The following RRP8 variants were observed in gnomAD, a reference collection of about 807,000 sequenced individuals.
RRP8 encodes the protein ribosomal RNA processing 8.
A neutral mutation model predicts 45.0 loss-of-function variants in RRP8; 48 were observed. The observed-to-expected ratio is 1.07, with a 90% CI of 0.85 to 1.36. The LOEUF is 1.36. RRP8 is among the 40% of genes most tolerant of loss of function. RRP8 has a pLI of 0.00. For synonymous variants in RRP8, 274 were observed against 212.4 expected (o/e 1.29, Z -2.52); for missense variants, 658 against 573.7 (o/e 1.15, Z -1.50).
intron 6 of RRP8, 55 bp from the exon 7 acceptor site, chr11:6,600,320 C>T (rs959635222): frequency 2.9e-6 from 4 of 1,366,302 alleles, no homozygotes; most frequent in Non-Finnish European, 4.1e-6. Context: ...CTCCTTAAAA[C>T]ACCTCCCTCT....
intron 1 of RRP8, among the ~76,000 whole-genome samples, chr11:6,602,924 G>T (rs1854467349): frequency 6.6e-6 from 1 of 152,218 alleles, no homozygotes. Context: ...TTTGAACAAT[G>T]ATACTGACAA....
chr11:6,600,198 T>C lies in RRP8; in HGVS notation c.1319A>G (p.Lys440Arg). Reference protein sequence around the residue: ...QKTGPPLVGPKAQLSGLQLQP... With the variant: ...QKTGPPLVGPRAQLSGLQLQP... ...AAGCTGCAGGCCTGAAAGCTGAGCCTTGGGCCCTACCAGAGGGGGCCCAGT... is the reference window on the plus strand; with the variant it reads ...AAGCTGCAGGCCTGAAAGCTGAGCCCTGGGCCCTACCAGAGGGGGCCCAGT... The change falls in exon 7 of 7, where the codon AAG (lysine) becomes AGG (arginine). Residue 440 changes from lysine to arginine, a missense_variant. Lys to Arg is a conservative substitution (Grantham distance 26, BLOSUM62 2). Coordinates refer to ENST00000254605, the MANE Select transcript of RRP8 (RefSeq NM_015324.4). 2.5e-6 allele frequency: 4 copies of C among 1,608,890 alleles called. No individual in the cohort carries two copies. The highest frequency in any genetic ancestry group is 1.3e-5 in the African/African-American group (1 of 74,588).
intron 5 of RRP8, 23 bp from the exon 6 acceptor site, chr11:6,600,605 TG>T (rs758582591): frequency 4.3e-6 from 7 of 1,613,268 alleles, no homozygotes; most frequent in Non-Finnish European, 5.9e-6. Context: ...GAAAGTTCTG[TG>T]TAAGTGCACA....
intron 4 of RRP8, 68 bp from the exon 5 acceptor site, chr11:6,600,843 G>A: frequency 1.2e-6 from 2 of 1,609,644 alleles, no homozygotes; most frequent in African/African-American, 2.7e-5. Flanking sequence ...TGAGATACCA[G>A]GATGGGAAAG....
rs769930522 is a variant in RRP8, at chr11:6,603,407, G to C, written c.96C>G (p.Asn32Lys). 6.2e-7 allele frequency: 1 copy of C among 1,600,236 alleles called. No individual in the cohort carries two copies. The highest frequency in any genetic ancestry group is 1.7e-5 in the Admixed American group (1 of 58,204). The stretch of plus-strand genomic sequence containing the variant: ...ATTGCTCCCGCGAGTCACTCACCTT[G>C]TTTTGCGAGGAGGCCGCAGGCGGAG... ...SRPPPAASSQ[N>K]KGSKRRQLLA... Residue 32 changes from asparagine to lysine, a missense_variant, in exon 1 of 7, where the codon AAC becomes AAG. Coordinates refer to ENST00000254605, the MANE Select transcript of RRP8 (RefSeq NM_015324.4).
chr11:6,600,100 G>C lies in RRP8; in HGVS notation c.*46C>G. 1 of 1,276,304 alleles carries C rather than the reference G, an allele frequency of 7.8e-7. No homozygotes were observed. The highest frequency in any genetic ancestry group is 1.1e-6 in the Non-Finnish European group (1 of 919,488). 79.1% of individuals were successfully genotyped at this position (1,276,304 alleles called of 1,614,324 possible). On this transcript the variant is annotated 3_prime_UTR_variant, in exon 7 of 7. Transcript: ENST00000254605. ...CTGGAAACAGTCTTCACAGTTCTGA[G>C]CCTGGAGTTTGAGATCTGCCTCCCC...
chr11:6,601,750 C>A (rs1854373171), intron 2 of RRP8, 102 bp downstream of exon 2: 1 of 1,475,902 alleles, frequency 6.8e-7, no homozygotes, highest in Non-Finnish European at 9.0e-7. Context: ...ACACCATTAG[C>A]CCCAATCCTA....
chr11:6,598,300 T>G lies in RRP8; in HGVS notation c.*1846A>C, dbSNP rs1854267158. On this transcript the variant is annotated 3_prime_UTR_variant, in exon 7 of 7. Coordinates refer to ENST00000254605, the MANE Select transcript of RRP8 (RefSeq NM_015324.4). ...TTCTTCCATCATGACTAGTCAACAGTGCCCTCATCTTGTGCCCTAGTACCT... is the reference window on the plus strand; with the variant it reads ...TTCTTCCATCATGACTAGTCAACAGGGCCCTCATCTTGTGCCCTAGTACCT... 1 of 152,276 alleles carries G rather than the reference T, an allele frequency of 6.6e-6. No individual in the cohort carries two copies. Among genetic ancestry groups the G allele is most frequent in the African/African-American group, 2.4e-5 (1 of 41,448 alleles). The allele number at this position is 152,276 out of a possible 1,614,324, so 9.4% of individuals were successfully genotyped here. A position where few individuals can be genotyped will look rare whatever the true frequency, so the allele number is the denominator to read the frequency against.
chr11:6,602,591 G>C (rs1411686341), intron 1 of RRP8, among the ~76,000 whole-genome samples: 1 of 152,188 alleles, frequency 6.6e-6, no homozygotes, highest in East Asian at 1.9e-4. Context: ...GGAGACACAT[G>C]ATCACACACG....
Position 6,602,821 on chromosome 11 carries a change from A to T in RRP8, c.99+583T>A, listed in dbSNP as rs200032544. On this transcript the variant is annotated intron_variant, in intron 1 of 6. Coordinates refer to ENST00000254605, the MANE Select transcript of RRP8 (RefSeq NM_015324.4). ...CATCTGCAGAGGCTCAAAGGAGAAG[A>T]TGTATTGTCGGGAAGGCTGATTCTG... Among the ~76,000 whole-genome samples, 20 of 152,138 alleles carry T rather than the reference A, an allele frequency of 1.3e-4. No homozygotes were observed. In the East Asian group the frequency reaches 3.7e-3, roughly 28 times the overall value.
intron 1 of RRP8, 61 bp from the exon 2 acceptor site, chr11:6,602,276 G>A (rs745455250): frequency 2.0e-6 from 3 of 1,488,714 alleles, no homozygotes; most frequent in African/African-American, 2.8e-5. Flanking sequence ...TGGAGAACAA[G>A]AAGGGAGAGA....
In RRP8 at chr11:6,601,559, C is replaced by T. The variant is rs1167191038; in HGVS notation, c.507G>A (p.Lys169=). The T allele has an allele frequency of 2.5e-6, 4 of 1,605,144 alleles. No individual in the cohort carries two copies. In the South Asian group the frequency reaches 4.4e-5, roughly 18 times the overall value. Residue 169 remains lysine (K), a synonymous_variant, in exon 3 of 7, where the codon AAG becomes AAA. Coordinates refer to ENST00000254605, the MANE Select transcript of RRP8 (RefSeq NM_015324.4). ...WKGSTTNDPP[K]QSPGSTSPKP... ...TAGGGGAAGTGGACCCAGGGCTTTGCTTTGGTGGATCATTTGTAGTACTAC... is the reference window on the plus strand; with the variant it reads ...TAGGGGAAGTGGACCCAGGGCTTTGTTTTGGTGGATCATTTGTAGTACTAC...
At chr11:6,602,794 CA>C (rs1167497471) in intron 1 of RRP8, among the ~76,000 whole-genome samples, 5 of 152,126 alleles carry the variant, frequency 3.3e-5, no homozygotes, top group African/African-American at 9.7e-5. Context: ...GCAGGGCCCT[CA>C]CATCTGCAGA....
At position 6,603,568 on chromosome 11, in the gene RRP8, G is replaced by C; in HGVS notation, c.-66C>G. ...CCACGTGCACAGCGCTCCTCTGGAA[G>C]TCGGAGCGCTCAGACCTGCCAGAAC... On this transcript the variant is annotated 5_prime_UTR_variant, in exon 1 of 7. Coordinates refer to ENST00000254605, the MANE Select transcript of RRP8 (RefSeq NM_015324.4). The C allele has an allele frequency of 1.8e-6, 2 of 1,120,004 alleles. No homozygotes were observed. The highest frequency in any genetic ancestry group is 2.5e-6 in the Non-Finnish European group (2 of 790,182). The allele number at this position is 1,120,004 out of a possible 1,614,324, so 69.4% of individuals were successfully genotyped here. A position where few individuals can be genotyped will look rare whatever the true frequency, so the allele number is the denominator to read the frequency against.
Position 6,603,456 on chromosome 11 carries a change from C to A in RRP8, c.47G>T (p.Gly16Val). 6.2e-7 allele frequency: 1 copy of A among 1,603,534 alleles called. No individual in the cohort carries two copies. Among genetic ancestry groups the A allele is most frequent in the South Asian group, 1.1e-5 (1 of 89,276 alleles). Residue 16 changes from glycine (G) to valine (V), a missense_variant, in exon 1 of 7, where the codon GGC becomes GTC. Transcript: ENST00000254605. Reference sequence around the variant, plus strand: ...AGGTCGTGAGATTACGGGCCCAAGGCCCGCGGCTACTGGGGCCGCCTCGGC... The same window carrying A: ...AGGTCGTGAGATTACGGGCCCAAGGACCGCGGCTACTGGGGCCGCCTCGGC... ...EWAEAAPVAA[G>V]LGPVISRPPP...
Position 6,603,576 on chromosome 11 carries a change from G to T in RRP8, c.-74C>A, listed in dbSNP as rs557044150. On this transcript the variant is annotated 5_prime_UTR_variant, in exon 1 of 7. Coordinates refer to ENST00000254605, the MANE Select transcript of RRP8 (RefSeq NM_015324.4). ...ACAGCGCTCCTCTGGAAGTCGGAGC[G>T]CTCAGACCTGCCAGAACCGACCCGG... The T allele has an allele frequency of 1.9e-3, 1,946 of 1,003,684 alleles. 5 individuals carry two copies. The highest frequency in any genetic ancestry group is 2.1e-3 in the Admixed American group (76 of 35,572). The allele number at this position is 1,003,684 out of a possible 1,614,324, so 62.2% of individuals were successfully genotyped here.
Position 6,601,500 on chromosome 11 carries a change from C to T in RRP8, c.566G>A (p.Arg189Gln), listed in dbSNP as rs192078857. 218 of 1,613,032 alleles carry T rather than the reference C, an allele frequency of 1.4e-4. No homozygotes were observed. The highest frequency in any genetic ancestry group is 4.7e-4 in the East Asian group (21 of 44,874). ...TCTTCTCTTGTTCTTTTGCCGGTTCCGCCACTGCTTGCGGCTTAATGTATG... is the reference window on the plus strand; with the variant it reads ...TCTTCTCTTGTTCTTTTGCCGGTTCTGCCACTGCTTGCGGCTTAATGTATG... ...PPHTLSRKQWRNRQKNKRRCK... is the reference protein window; with the variant it reads ...PPHTLSRKQWQNRQKNKRRCK... Residue 189 changes from arginine (R) to glutamine (Q), a missense_variant, in exon 3 of 7, where the codon CGG becomes CAG. Physicochemically the swap from Arg to Gln is conservative, Grantham distance 43. Coordinates refer to ENST00000254605, the MANE Select transcript of RRP8 (RefSeq NM_015324.4).
chr11:6,601,211 C>T lies in RRP8; in HGVS notation c.855G>A (p.Gln285=), dbSNP rs1854345490. ...EAFLLYHRGF[Q]SQVKKWPLQP... ...GCAGTGGCCACTTCTTCACTTGGCT[C>T]TGGAAGCCGCGGTGGTAGAGAAGAA... Residue 285 remains glutamine (Q), a synonymous_variant, in exon 3 of 7, where the codon CAG becomes CAA. Coordinates refer to ENST00000254605, the MANE Select transcript of RRP8 (RefSeq NM_015324.4). The T allele has an allele frequency of 6.2e-7, 1 of 1,613,208 alleles. No individual in the cohort carries two copies. Among genetic ancestry groups the T allele is most frequent in the African/African-American group, 1.3e-5 (1 of 75,060 alleles).
At position 6,601,866 on chromosome 11, in the gene RRP8, T is replaced by A. The variant is rs773787308; in HGVS notation, c.449A>T (p.Asn150Ile). The A allele has an allele frequency of 6.2e-7, 1 of 1,611,926 alleles. No homozygotes were observed. The highest frequency in any genetic ancestry group is 8.5e-7 in the Non-Finnish European group (1 of 1,178,830). ...TCCAATGGTACCTGTTTGGTCAACA[T>A]TGTCCAGGTGCTGGGCTGAATTTAT... is the stretch of plus-strand genomic sequence containing the variant. The part of the protein sequence containing the change: ...APINSAQHLD[N>I]VDQTGPKAWK... The change falls in exon 2 of 7, where the codon AAT becomes ATT. Residue 150 changes from asparagine to isoleucine, a missense_variant. By Grantham distance (149) the Asn-to-Ile change is moderately radical. Transcript: ENST00000254605.
Sources: gnomAD v4.1 joint callset for allele counts (sites outside exome capture counted in the v4.1 genomes callset) on GRCh38, gnomAD v4.1.1 for gene constraint, MANE v1.5 for transcripts, NCBI Gene and HGNC (gene_info 2026-07-23, HGNC 2026-07-21) for gene names.